The following SF3B3 variants were observed in gnomAD, a reference collection of about 807,000 sequenced individuals.
SF3B3 encodes the protein SAP 130.
A neutral mutation model predicts 139.2 loss-of-function variants in SF3B3; 33 were observed. That is an observed-to-expected ratio of 0.24 (90% CI 0.18 to 0.32). The LOEUF is 0.32. Ranked by LOEUF, SF3B3 falls within the 10% of genes least tolerant of loss-of-function variation. The probability of loss-of-function intolerance (pLI) is 1.00; values close to 1 mark genes in which losing one functional copy is unlikely to be tolerated. For missense variants in SF3B3, 818 were observed against 1,509.4 expected (o/e 0.54, Z 7.59); for synonymous variants, 596 against 563.6 (o/e 1.06, Z -0.81).
At position 70,574,209 on chromosome 16, in the gene SF3B3, G is replaced by A. The variant is rs2050555952; in HGVS notation, c.*2396G>A. 1 of 152,068 alleles carries A rather than the reference G, an allele frequency of 6.6e-6. No individual in the cohort carries two copies. The highest frequency in any genetic ancestry group is 6.5e-5 in the Admixed American group (1 of 15,274). 9.4% of individuals were successfully genotyped at this position (152,068 alleles called of 1,614,324 possible). ...TAATTTTTTAAAAAAAATTTTATTA[G>A]AGACAGTCTCTCTCTCTTGCCTAGC... On this transcript the variant is annotated 3_prime_UTR_variant, in exon 26 of 26. Transcript: ENST00000302516.
At chr16:70,568,552 T>A (rs985901724) in intron 22 of SF3B3, 57 bp downstream of exon 22, 1 of 1,402,412 alleles carries the variant, frequency 7.1e-7, no homozygotes, top group African/African-American at 1.4e-5. Context: ...TGGCTCAGTT[T>A]CTTGTGGGTA....
intron 7 of SF3B3, among the ~76,000 whole-genome samples, 176 bp downstream of exon 7, chr16:70,538,636 C>G (rs1415918130): frequency 6.6e-6 from 1 of 152,156 alleles, no homozygotes; most frequent in Non-Finnish European, 1.5e-5. Context: ...ATCTTACATA[C>G]AATATAAGAG....
Position 70,573,867 on chromosome 16 carries a change from T to A in SF3B3, c.*2054T>A, listed in dbSNP as rs2050552159. 6.6e-6 allele frequency: 1 copy of A among 152,242 alleles called. No homozygotes were observed. Among genetic ancestry groups the A allele is most frequent in the Admixed American group, 6.5e-5 (1 of 15,284 alleles). 9.4% of individuals were successfully genotyped at this position (152,242 alleles called of 1,614,324 possible). A position where few individuals can be genotyped will look rare whatever the true frequency, so the allele number is the denominator to read the frequency against. On this transcript the variant is annotated 3_prime_UTR_variant, in exon 26 of 26. Coordinates refer to ENST00000302516, the MANE Select transcript of SF3B3 (RefSeq NM_012426.5). The stretch of plus-strand genomic sequence containing the variant: ...CTGAAAAGTTTTTAGCTGCCTCAGC[T>A]TTCCCCTGACCTTACTGGCAGAGGT...
chr16:70,565,015 G>A, intron 18 of SF3B3, 50 bp from the exon 19 acceptor site: 3 of 1,571,220 alleles, frequency 1.9e-6, no homozygotes, highest in Non-Finnish European at 2.6e-6. Context: ...TTCTCAGCCA[G>A]CCCCTACCTC....
chr16:70,526,612 G>A lies in SF3B3; in HGVS notation c.-45G>A. The stretch of plus-strand genomic sequence containing the variant: ...CTTTCTTGGACTCCGTACTGTTGGT[G>A]TAACCAAGGCCTGGAGGTCTGGGTG... On this transcript the variant is annotated 5_prime_UTR_variant, in exon 2 of 26. Transcript: ENST00000302516. 1 of 1,460,084 alleles carries A rather than the reference G, an allele frequency of 6.8e-7. No homozygotes were observed. The highest frequency in any genetic ancestry group is 9.6e-7 in the Non-Finnish European group (1 of 1,046,934). The allele number at this position is 1,460,084 out of a possible 1,614,324, so 90.4% of individuals were successfully genotyped here.
Position 70,554,305 on chromosome 16 carries a change from ATGTGTATG to A in SF3B3, c.1403-126_1403-119del, listed in dbSNP as rs71151191. ...TTCTGGATCATTTTGCTCTGTGTGC[ATGTGTATG>A]TGTGTATGTGTGTAATAACTACACA... On this transcript the variant is annotated intron_variant, in intron 11 of 25. Transcript: ENST00000302516. 2,887 of 707,854 alleles carry A rather than the reference ATGTGTATG, an allele frequency of 4.1e-3. 12 individuals carry two copies. The highest frequency in any genetic ancestry group is 0.011 in the Middle Eastern group (42 of 3,654). The allele number at this position is 707,854 out of a possible 1,614,324, so 43.8% of individuals were successfully genotyped here.
intron 15 of SF3B3, among the ~76,000 whole-genome samples, chr16:70,557,924 G>A (rs1299240628): frequency 1.3e-5 from 2 of 152,090 alleles, no homozygotes; most frequent in Non-Finnish European, 2.9e-5. Flanking sequence ...TTATTACCAT[G>A]TTCCAGTTTT....
At chr16:70,557,513 T>C (rs2050389835) in intron 15 of SF3B3, among the ~76,000 whole-genome samples, 1 of 152,238 alleles carries the variant, frequency 6.6e-6, no homozygotes, top group African/African-American at 2.4e-5. Flanking sequence ...GATTATTGAC[T>C]CAGACATCTA....
At chr16:70,536,999 T>TG (rs965272910) in intron 6 of SF3B3, among the ~76,000 whole-genome samples, 13 of 151,468 alleles carry the variant, frequency 8.6e-5, no homozygotes, top group African/African-American at 2.4e-4. Context: ...TTAGTAGAGA[T>TG]GGGGTCTCAC....
chr16:70,571,882 C>A lies in SF3B3; in HGVS notation c.*69C>A. The A allele has an allele frequency of 2.0e-6, 3 of 1,524,008 alleles. No individual in the cohort carries two copies. Among genetic ancestry groups the A allele is most frequent in the Non-Finnish European group, 2.7e-6 (3 of 1,127,346 alleles). 94.4% of individuals were successfully genotyped at this position (1,524,008 alleles called of 1,614,324 possible). On this transcript the variant is annotated 3_prime_UTR_variant, in exon 26 of 26. Coordinates refer to ENST00000302516, the MANE Select transcript of SF3B3 (RefSeq NM_012426.5). ...TTTCCCCCACCACCATCACTGCCAC[C>A]TGGCTTCTGCCATGTGGCAGGAGGG...
intron 17 of SF3B3, among the ~76,000 whole-genome samples, chr16:70,562,460 CT>C (rs1370629303): frequency 3.8e-4 from 58 of 152,192 alleles, no homozygotes; most frequent in Admixed American, 1.3e-4. Context: ...CTTTCAGGGT[CT>C]TTTCATGGTC....
intron 2 of SF3B3, among the ~76,000 whole-genome samples, chr16:70,528,464 CTT>C (rs71387528): frequency 0.053 from 5,481 of 103,400 alleles, 236 homozygotes; most frequent in African/African-American, 0.15. Context: ...TGTGCGTGGC[CTT>C]TTTTTTTTTT....
chr16:70,542,269 G>A (rs1226453100), intron 9 of SF3B3, among the ~76,000 whole-genome samples: 1 of 152,204 alleles, frequency 6.6e-6, no homozygotes, highest in East Asian at 1.9e-4. Context: ...ATACTCCACA[G>A]TATTCTGTGG....
chr16:70,546,984 C>T (rs1026681743), intron 10 of SF3B3, among the ~76,000 whole-genome samples: 2 of 152,006 alleles, frequency 1.3e-5, no homozygotes, highest in Admixed American at 6.5e-5. Context: ...GCCAAGATCG[C>T]GCCATTGCAC....
chr16:70,555,350 C>T (rs1436385569), intron 13 of SF3B3, 144 bp downstream of exon 13: 3 of 709,602 alleles, frequency 4.2e-6, no homozygotes, highest in African/African-American at 1.8e-5. Context: ...TGTTGGCATG[C>T]ACCTTGTAGT....
intron 4 of SF3B3, among the ~76,000 whole-genome samples, 194 bp downstream of exon 4, chr16:70,531,111 A>G (rs190343675): frequency 2.0e-5 from 3 of 152,122 alleles, no homozygotes; most frequent in Admixed American, 1.3e-4. Flanking sequence ...CTAAAAATAC[A>G]AAAAGAAAAT....
At chr16:70,557,971 G>C (rs991937847) in intron 15 of SF3B3, among the ~76,000 whole-genome samples, 1 of 152,080 alleles carries the variant, frequency 6.6e-6, no homozygotes, top group African/African-American at 2.4e-5. Flanking sequence ...CTTTATAGTT[G>C]GTTGTGCTCA....
intron 2 of SF3B3, among the ~76,000 whole-genome samples, chr16:70,527,726 C>CGTTTTTGTTTTTTGTTTGTTTT (rs1273505714): frequency 3.9e-5 from 6 of 152,036 alleles, no homozygotes; most frequent in South Asian, 2.1e-4. Flanking sequence ...TTTGAAAGCA[C>CGTTTTTGTTTTTTGTTTGTTTT]GTTTTTGTTT....
chr16:70,554,323 G>T (rs1185356114), intron 11 of SF3B3, 123 bp from the exon 12 acceptor site: 1 of 857,880 alleles, frequency 1.2e-6, no homozygotes, highest in African/African-American at 1.7e-5. Context: ...GTGTGTATGT[G>T]TGTAATAACT....
Sources: gnomAD v4.1 joint callset for allele counts (sites outside exome capture counted in the v4.1 genomes callset) on GRCh38, gnomAD v4.1.1 for gene constraint, MANE v1.5 for transcripts, NCBI Gene and HGNC (gene_info 2026-07-23, HGNC 2026-07-21) for gene names.